ZMYM6: variants seen among roughly 807,000 people sequenced by gnomAD.
ZMYM6 encodes zinc finger MYM-type protein 6.
In ZMYM6, 90 loss-of-function variants were observed where a neutral mutation model predicts 134.0. That is an observed-to-expected ratio of 0.67 (90% CI 0.57 to 0.80). ZMYM6 has a LOEUF of 0.80. Ranked by LOEUF, ZMYM6 falls within the 30% of genes least tolerant of loss-of-function variation. The pLI, the probability that ZMYM6 is intolerant of heterozygous loss-of-function variation, is 0.00. For missense variants in ZMYM6, 1,362 were observed against 1,533.9 expected, an observed-to-expected ratio of 0.89 and a Z score of 1.87; for synonymous variants, 481 against 524.1, an observed-to-expected ratio of 0.92 and a Z score of 1.12.
rs576117843 is a variant in ZMYM6 at position 34,993,484 on chromosome 1, C to T, written c.1993-1097G>A. On this transcript the variant is annotated intron_variant, in intron 14 of 15. Coordinates refer to ENST00000357182, the MANE Select transcript of ZMYM6 (RefSeq NM_007167.4). Reference sequence around the variant, plus strand: ...AGAAAAGACTGATACATTTGACTACCTCAAAATTTAAAACTGCTCAGATGA... The same window carrying T: ...AGAAAAGACTGATACATTTGACTACTTCAAAATTTAAAACTGCTCAGATGA... Among the ~76,000 whole-genome samples the T allele has an allele frequency of 4.6e-5, 7 of 152,222 alleles. No individual in the cohort carries two copies. The East Asian group carries it at 1.4e-3, about 29-fold the overall frequency.
chr1:35,003,977 G>T lies in ZMYM6; in HGVS notation c.1983C>A (p.Ile661=). The change falls in exon 14 of 16, where the codon ATC becomes ATA. Residue 661 remains isoleucine, a synonymous_variant. Transcript: ENST00000357182. The part of the protein sequence containing the change: ...KGAVTKEAAK[I]IQDESTQEDA... Reference sequence around the variant, plus strand: ...TAACAATTAAACTCACATCTTGAATGATCTTTGCTGCCTCTTTAGTAACTG... The same window carrying T: ...TAACAATTAAACTCACATCTTGAATTATCTTTGCTGCCTCTTTAGTAACTG... The T allele has an allele frequency of 6.2e-7, 1 of 1,612,264 alleles. No individual in the cohort carries two copies. Among genetic ancestry groups the T allele is most frequent in the South Asian group, 1.1e-5 (1 of 90,900 alleles).
intron 10 of ZMYM6, 95 bp downstream of exon 10, chr1:35,010,351 AC>A: frequency 4.1e-6 from 6 of 1,465,680 alleles, no homozygotes; most frequent in Non-Finnish European, 5.5e-6. Flanking sequence ...ACCTTGTAAG[AC>A]AAAAAGAATG....
intron 13 of ZMYM6, 55 bp from the exon 14 acceptor site, chr1:35,004,060 T>C: frequency 6.8e-7 from 1 of 1,475,226 alleles, no homozygotes; most frequent in Non-Finnish European, 9.4e-7. Flanking sequence ...AAGTAAACAC[T>C]GAAATCAAGA....
intron 10 of ZMYM6, among the ~76,000 whole-genome samples, chr1:35,009,308 T>G (rs186332578): frequency 4.6e-5 from 7 of 152,302 alleles, no homozygotes; most frequent in African/African-American, 1.4e-4. Flanking sequence ...TTCGCCATGT[T>G]GGCCAGGCTG....
intron 11 of ZMYM6, among the ~76,000 whole-genome samples, chr1:35,007,542 C>T (rs1641006496): frequency 1.3e-5 from 2 of 151,784 alleles, no homozygotes; most frequent in South Asian, 4.2e-4. Flanking sequence ...GAGCCGAGAT[C>T]GCGTCACTGC....
At chr1:34,999,323 G>A (rs1640841635) in intron 14 of ZMYM6, among the ~76,000 whole-genome samples, 1 of 152,174 alleles carries the variant, frequency 6.6e-6, no homozygotes, top group Non-Finnish European at 1.5e-5. Flanking sequence ...CAGTGGTGCA[G>A]ACAAAAGCCT....
intron 15 of ZMYM6, chr1:34,991,986 C>A: frequency 9.1e-5 from 41 of 448,698 alleles, no homozygotes; most frequent in Admixed American, 1.9e-4. Context: ...AAAAAAAAAA[C>A]AGGTTAAATC....
At chr1:35,016,979 T>C (rs965066178) in intron 4 of ZMYM6, among the ~76,000 whole-genome samples, 1 of 150,856 alleles carries the variant, frequency 6.6e-6, no homozygotes, top group Non-Finnish European at 1.5e-5. Context: ...CACTCCAGCC[T>C]GGGTGACAGA....
At chr1:35,013,528 A>G in intron 6 of ZMYM6, 1 of 985,460 alleles carries the variant, frequency 1.0e-6, no homozygotes, top group Non-Finnish European at 1.2e-6. Flanking sequence ...CTGTGAAAGT[A>G]GAACCAGACT....
In ZMYM6 at chr1:35,030,644, A is replaced by G. The variant is rs1369575728; in HGVS notation, c.-5T>C. 1 of 1,611,068 alleles carries G rather than the reference A, an allele frequency of 6.2e-7. No homozygotes were observed. Among genetic ancestry groups the G allele is most frequent in the Admixed American group, 1.7e-5 (1 of 59,056 alleles). The stretch of plus-strand genomic sequence containing the variant: ...ACCATCCAAAGGTTCTTTCATTCTA[A>G]TTTTTTACCTCAAAGAGTGTCTCAG... On this transcript the variant is annotated 5_prime_UTR_variant, in exon 2 of 16. Transcript: ENST00000357182.
chr1:34,992,415 AGAAAGATTTTT>A (rs1243217023), intron 14 of ZMYM6, 28 bp from the exon 15 acceptor site: 11 of 1,604,518 alleles, frequency 6.9e-6, no homozygotes, highest in Non-Finnish European at 7.6e-6. Context: ...CAGAAACCAA[AGAAAGATTTTT>A]TTTAGTACCT....
chr1:34,987,323 T>TACAG lies in ZMYM6; in HGVS notation c.3755_3758dup (p.Thr1254CysfsTer17). Reference sequence around the variant, plus strand: ...TCTTTGCATTTATCCAAAACTGAGTTACAGACACTGATTTAAATAGTGCTT... The same window carrying TACAG: ...TCTTTGCATTTATCCAAAACTGAGTTACAGACAGACACTGATTTAAATAGTGCTT... On this transcript the variant is annotated frameshift_variant, in exon 16 of 16. Coordinates refer to ENST00000357182, the MANE Select transcript of ZMYM6 (RefSeq NM_007167.4). LOFTEE classifies it high-confidence loss of function. The TACAG allele has an allele frequency of 6.2e-7, 1 of 1,612,694 alleles. No individual in the cohort carries two copies. Among genetic ancestry groups the TACAG allele is most frequent in the Non-Finnish European group, 8.5e-7 (1 of 1,179,396 alleles).
At chr1:35,025,684 T>C (rs1464288163) in intron 2 of ZMYM6, among the ~76,000 whole-genome samples, 2 of 152,012 alleles carry the variant, frequency 1.3e-5, no homozygotes, top group African/African-American at 4.8e-5. Context: ...AGAAGTCCTA[T>C]CTTTTCATCT....
At chr1:35,010,184 T>C (rs557391078) in intron 10 of ZMYM6, among the ~76,000 whole-genome samples, 9 of 151,626 alleles carry the variant, frequency 5.9e-5, no homozygotes, top group South Asian at 2.1e-4. Context: ...TAATTTTGTA[T>C]AGAGACGGTG....
At chr1:35,027,823 T>C (rs1641441870) in intron 2 of ZMYM6, among the ~76,000 whole-genome samples, 1 of 152,126 alleles carries the variant, frequency 6.6e-6, no homozygotes, top group Admixed American at 6.5e-5. Flanking sequence ...CCACAAAACC[T>C]GGCAAAGAAA....
rs1640995424 is a variant in ZMYM6, at chr1:35,007,105, A to G, written c.1666-7T>C. 2 of 1,589,752 alleles carry G rather than the reference A, an allele frequency of 1.3e-6. No individual in the cohort carries two copies. Among genetic ancestry groups the G allele is most frequent in the Non-Finnish European group, 1.7e-6 (2 of 1,171,010 alleles). On this transcript the variant is annotated splice_polypyrimidine_tract_variant and splice_region_variant and intron_variant, in intron 11 of 15. Transcript: ENST00000357182. ...AACCATCACACTTGGCCATCTGAAA[A>G]AGAAATGTTAGACAAGATAGGCTTA... is the stretch of plus-strand genomic sequence containing the variant.
chr1:35,026,251 C>T (rs1641413472), intron 2 of ZMYM6, among the ~76,000 whole-genome samples: 1 of 151,994 alleles, frequency 6.6e-6, no homozygotes, highest in South Asian at 2.1e-4. Flanking sequence ...GAACTCCTGA[C>T]CTCAAGGGAT....
intron 14 of ZMYM6, among the ~76,000 whole-genome samples, chr1:35,000,047 C>T (rs1172571834): frequency 1.3e-5 from 2 of 152,122 alleles, no homozygotes; most frequent in East Asian, 3.9e-4. Flanking sequence ...ACCCTCCCAC[C>T]TCAGCCTCCC....
intron 2 of ZMYM6, among the ~76,000 whole-genome samples, chr1:35,022,789 T>TA (rs1641334249): frequency 6.6e-6 from 1 of 152,140 alleles, no homozygotes; most frequent in Non-Finnish European, 1.5e-5. Context: ...ACACACACAT[T>TA]AGACTAAAAA....
Sources: allele counts gnomAD v4.1 joint callset (sites outside exome capture counted in the v4.1 genomes callset), GRCh38; gene constraint gnomAD v4.1.1; transcripts MANE v1.5; gene names NCBI Gene and HGNC (gene_info 2026-07-23, HGNC 2026-07-21).